The following CNBD1 variants were observed in gnomAD, a reference collection of about 807,000 sequenced individuals.
CNBD1 encodes cyclic nucleotide-binding domain-containing protein 1.
CNBD1 carries 71 observed loss-of-function variants against 54.4 expected under a neutral mutation model. The observed-to-expected ratio is 1.30, with a 90% confidence interval of 1.08 to 1.59. The LOEUF is 1.59. Ranked by LOEUF, CNBD1 falls within the 40% of genes most tolerant of loss-of-function variation. The pLI is 0.00. For synonymous variants in CNBD1, 182 were observed against 170.7 expected (o/e 1.07, Z -0.51); for missense variants, 659 against 518.0 (o/e 1.27, Z -2.64).
At chr8:87,419,615 C>T (rs1054154072) in intron 2 of CNBD1, among the ~76,000 whole-genome samples, 5 of 151,816 alleles carry the variant, frequency 3.3e-5, no homozygotes, top group African/African-American at 1.2e-4. Flanking sequence ...AGCAAAATCA[C>T]AAGATAGCTC....
At chr8:86,896,299 A>G (rs777973356) in intron 2 of CNBD1, among the ~76,000 whole-genome samples, 42 of 152,126 alleles carry the variant, frequency 2.8e-4, no homozygotes, top group Non-Finnish European at 4.7e-4. Context: ...GATACCCCCA[A>G]TCTTTATAAA....
rs147248040 is a variant in CNBD1 at position 86,969,684 on chromosome 8, A to G, written c.431+29930A>G. 5.3e-5 allele frequency among the ~76,000 whole-genome samples: 8 copies of G among 152,002 alleles called. No homozygotes were observed. In the East Asian group the frequency reaches 1.5e-3, roughly 29 times the overall value. On this transcript the variant is annotated intron_variant, in intron 4 of 10. Transcript: ENST00000518476. Reference sequence around the variant, plus strand: ...ATATTATATTATAATATTACCTATTACAATATGTATTTTTGAGTTATTGTC... The same window carrying G: ...ATATTATATTATAATATTACCTATTGCAATATGTATTTTTGAGTTATTGTC...
At chr8:87,178,893 T>G (rs958513604) in intron 4 of CNBD1, among the ~76,000 whole-genome samples, 1 of 151,856 alleles carries the variant, frequency 6.6e-6, no homozygotes, top group Admixed American at 6.6e-5. Context: ...AATCCCTGAA[T>G]AGCTTTTGCT....
At chr8:86,902,807 C>A (rs1808958437) in intron 2 of CNBD1, among the ~76,000 whole-genome samples, 1 of 151,956 alleles carries the variant, frequency 6.6e-6, no homozygotes, top group African/African-American at 2.4e-5. Flanking sequence ...ATCTACTCTC[C>A]AACTCTACCA....
At chr8:86,961,046 A>T (rs936467455) in intron 4 of CNBD1, among the ~76,000 whole-genome samples, 3 of 152,220 alleles carry the variant, frequency 2.0e-5, no homozygotes, top group Admixed American at 6.5e-5. Flanking sequence ...CTACATTTTG[A>T]AGACATTTCT....
intron 4 of CNBD1, among the ~76,000 whole-genome samples, chr8:87,080,484 T>A (rs1420353103): frequency 2.0e-5 from 3 of 151,772 alleles, no homozygotes; most frequent in African/African-American, 7.3e-5. Flanking sequence ...GGATAGCGAA[T>A]CACTTGAACC....
rs549133667 is a variant in CNBD1 at position 87,043,684 on chromosome 8, C to A, written c.431+103930C>A. ...CCAGAATCAGAAGACTCATCACTGT[C>A]TCTGCCCAATCATTCCTTAATCACC... On this transcript the variant is annotated intron_variant, in intron 4 of 10. Coordinates refer to ENST00000518476, the MANE Select transcript of CNBD1 (RefSeq NM_173538.3). Among the ~76,000 whole-genome samples, 416 of 152,300 alleles carry A rather than the reference C, an allele frequency of 2.7e-3. 6 individuals are homozygous for A. Among genetic ancestry groups the A allele is most frequent in the African/African-American group, 9.2e-3 (384 of 41,580 alleles).
At chr8:87,399,027 G>A (rs532250269) in intron 2 of CNBD1, among the ~76,000 whole-genome samples, 11 of 151,918 alleles carry the variant, frequency 7.2e-5, no homozygotes, top group South Asian at 4.1e-4. Context: ...CCTACCCCAC[G>A]CAACTCCTAG....
At chr8:87,026,375 C>T (rs908146029) in intron 4 of CNBD1, among the ~76,000 whole-genome samples, 2 of 151,396 alleles carry the variant, frequency 1.3e-5, no homozygotes, top group Non-Finnish European at 2.9e-5. Context: ...CTCCCTCCCT[C>T]CCTTCTTCCC....
At chr8:87,087,537 C>A (rs1423672509) in intron 4 of CNBD1, among the ~76,000 whole-genome samples, 1 of 148,076 alleles carries the variant, frequency 6.8e-6, no homozygotes, top group Non-Finnish European at 1.5e-5. Flanking sequence ...GATCTCGGCT[C>A]ACTGCAAACT....
chr8:87,290,251 AAAG>A (rs1247809861), intron 8 of CNBD1, among the ~76,000 whole-genome samples: 18 of 152,172 alleles, frequency 1.2e-4, no homozygotes, highest in South Asian at 2.1e-4. Context: ...AACAAAGAAA[AAAG>A]AGATCAAATA....
intron 10 of CNBD1, among the ~76,000 whole-genome samples, chr8:87,359,251 TTC>T (rs1810483928): frequency 6.6e-6 from 1 of 152,166 alleles, no homozygotes; most frequent in Non-Finnish European, 1.5e-5. Flanking sequence ...GTCTGTTTTA[TTC>T]CATAGTCTGC....
At chr8:87,154,779 G>C (rs1343754950) in intron 4 of CNBD1, among the ~76,000 whole-genome samples, 1 of 152,090 alleles carries the variant, frequency 6.6e-6, no homozygotes, top group South Asian at 2.1e-4. Flanking sequence ...CAGAGGATGG[G>C]GCTACAGAAG....
At chr8:87,224,227 G>A (rs1434324289) in intron 5 of CNBD1, among the ~76,000 whole-genome samples, 2 of 150,914 alleles carry the variant, frequency 1.3e-5, no homozygotes, top group Admixed American at 6.6e-5. Flanking sequence ...CTTTTGCTGT[G>A]CAGAAGCTCT....
intron 4 of CNBD1, among the ~76,000 whole-genome samples, chr8:87,174,265 T>C (rs974431014): frequency 1.3e-5 from 2 of 152,120 alleles, no homozygotes; most frequent in Admixed American, 1.3e-4. Flanking sequence ...GCCTCTTTTT[T>C]ATTCTTTTTT....
chr8:87,217,625 A>G (rs957652014), intron 5 of CNBD1, among the ~76,000 whole-genome samples: 36 of 151,564 alleles, frequency 2.4e-4, no homozygotes, highest in African/African-American at 8.7e-4. Context: ...TAATGTCTGA[A>G]GTTAAAATAA....
intron 8 of CNBD1, among the ~76,000 whole-genome samples, chr8:87,335,618 T>C (rs1269123546): frequency 6.6e-6 from 1 of 152,190 alleles, no homozygotes; most frequent in African/African-American, 2.4e-5. Context: ...AAGAGGGGTC[T>C]CTTGAATATA....
intron 2 of CNBD1, among the ~76,000 whole-genome samples, chr8:86,901,912 C>T (rs956390916): frequency 6.6e-6 from 1 of 152,174 alleles, no homozygotes. Flanking sequence ...GACTGTATGA[C>T]GTGTTACTTC....
chr8:87,345,181 T>A (rs1332267476), intron 8 of CNBD1, among the ~76,000 whole-genome samples: 2 of 152,116 alleles, frequency 1.3e-5, no homozygotes, highest in Non-Finnish European at 2.9e-5. Context: ...GCACACAATA[T>A]CTTATTGAAA....
Sources: allele counts gnomAD v4.1 joint callset (sites outside exome capture counted in the v4.1 genomes callset), GRCh38; gene constraint gnomAD v4.1.1; transcripts MANE v1.5; gene names NCBI Gene and HGNC (gene_info 2026-07-23, HGNC 2026-07-21).